SEPTIN7: variants seen among roughly 807,000 people sequenced by gnomAD.
The protein encoded by SEPTIN7 is septin 7, also known as septin-7.
In SEPTIN7, 10 loss-of-function variants were observed where a neutral mutation model predicts 63.3. That is an observed-to-expected ratio of 0.16 (90% CI 0.10 to 0.27). The LOEUF (loss-of-function observed/expected upper bound fraction) is 0.27, where lower values mean the gene tolerates loss of function less well. SEPTIN7 is among the 10% of genes least tolerant of loss of function. The pLI, the probability that SEPTIN7 is intolerant of heterozygous loss-of-function variation, is 1.00. For synonymous variants in SEPTIN7, 131 were observed against 165.3 expected (o/e 0.79, Z 1.59); for missense variants, 310 against 521.0 (o/e 0.59, Z 3.94).
At chr7:35,840,089 T>G (rs1784331793) in intron 3 of SEPTIN7, among the ~76,000 whole-genome samples, 1 of 151,964 alleles carries the variant, frequency 6.6e-6, no homozygotes, top group South Asian at 2.1e-4. Flanking sequence ...TCCTTTCTTT[T>G]CTTTCCCTTT....
intron 4 of SEPTIN7, among the ~76,000 whole-genome samples, chr7:35,864,715 A>T (rs1401162895): frequency 6.6e-6 from 1 of 152,198 alleles, no homozygotes; most frequent in Non-Finnish European, 1.5e-5. Context: ...GTTTGTCAGC[A>T]CTGCTCTAAA....
chr7:35,813,840 A>G (rs1001760120), intron 1 of SEPTIN7, among the ~76,000 whole-genome samples: 3 of 152,210 alleles, frequency 2.0e-5, no homozygotes, highest in African/African-American at 4.8e-5. Flanking sequence ...ATAGTGTATC[A>G]GTGCTTTTGA....
chr7:35,890,241 T>G (rs1373684718), intron 10 of SEPTIN7, among the ~76,000 whole-genome samples: 1 of 152,204 alleles, frequency 6.6e-6, no homozygotes, highest in African/African-American at 2.4e-5. Context: ...GATCTGAAAT[T>G]TATTATTATG....
chr7:35,903,045 G>C (rs1788416543), intron 12 of SEPTIN7, 31 bp from the exon 13 acceptor site: 1 of 1,523,716 alleles, frequency 6.6e-7, no homozygotes, highest in East Asian at 2.5e-5. Context: ...TTCTTAAATA[G>C]TTTTGTTTTA....
chr7:35,841,575 C>T (rs1451025870), intron 3 of SEPTIN7, among the ~76,000 whole-genome samples: 5 of 152,286 alleles, frequency 3.3e-5, no homozygotes, highest in Admixed American at 3.3e-4. Context: ...AAACTGTTCT[C>T]TTGGTATTGA....
intron 10 of SEPTIN7, chr7:35,888,680 C>T (rs1264287701): frequency 2.3e-5 from 4 of 176,922 alleles, no homozygotes; most frequent in South Asian, 2.0e-4. Flanking sequence ...AATAGTCGGG[C>T]GTGGTGGTGC....
intron 3 of SEPTIN7, among the ~76,000 whole-genome samples, chr7:35,847,619 T>C (rs1344950872): frequency 6.6e-6 from 1 of 152,282 alleles, no homozygotes; most frequent in East Asian, 1.9e-4. Context: ...AGTCTTCTTT[T>C]TGAAACTTTT....
intron 1 of SEPTIN7, among the ~76,000 whole-genome samples, chr7:35,827,221 T>C (rs1036936104): frequency 2.0e-5 from 3 of 152,262 alleles, no homozygotes; most frequent in Non-Finnish European, 4.4e-5. Flanking sequence ...AGGAATACTT[T>C]AAAGACCTAG....
At chr7:35,835,690 T>C (rs1784051680) in intron 3 of SEPTIN7, among the ~76,000 whole-genome samples, 1 of 152,180 alleles carries the variant, frequency 6.6e-6, no homozygotes. Flanking sequence ...CTAGAGAACT[T>C]AAATAGTACA....
chr7:35,831,986 T>A, intron 2 of SEPTIN7: 1 of 368,712 alleles, frequency 2.7e-6, no homozygotes, highest in Non-Finnish European at 5.3e-6. Context: ...CCAATGAGAC[T>A]CTGCTTATTC....
At chr7:35,816,867 G>A (rs1252269073) in intron 1 of SEPTIN7, among the ~76,000 whole-genome samples, 4 of 152,068 alleles carry the variant, frequency 2.6e-5, no homozygotes, top group Non-Finnish European at 4.4e-5. Flanking sequence ...ACCTTCTCTG[G>A]AGGAATGTCT....
At chr7:35,829,714 C>T (rs1221485442) in intron 1 of SEPTIN7, among the ~76,000 whole-genome samples, 3 of 152,140 alleles carry the variant, frequency 2.0e-5, no homozygotes, top group African/African-American at 4.8e-5. Context: ...GTTGATGGAG[C>T]TTACATTGCG....
chr7:35,808,474 C>G (rs1028221236), intron 1 of SEPTIN7, among the ~76,000 whole-genome samples: 1 of 152,134 alleles, frequency 6.6e-6, no homozygotes, highest in African/African-American at 2.4e-5. Context: ...ATATCTCAGT[C>G]TGTTTGTGCT....
chr7:35,803,773 T>C (rs1788154158), intron 1 of SEPTIN7, among the ~76,000 whole-genome samples: 2 of 152,336 alleles, frequency 1.3e-5, no homozygotes, highest in African/African-American at 4.8e-5. Flanking sequence ...AACTTTATTA[T>C]ACAATAGAAA....
intron 11 of SEPTIN7, among the ~76,000 whole-genome samples, chr7:35,896,000 G>A (rs1345443303): frequency 1.3e-5 from 2 of 152,070 alleles, no homozygotes; most frequent in South Asian, 4.1e-4. Context: ...TAGTAAAGAT[G>A]GAGTTTCACC....
chr7:35,830,983 A>G (rs1245399220), intron 1 of SEPTIN7, among the ~76,000 whole-genome samples: 1 of 152,206 alleles, frequency 6.6e-6, no homozygotes, highest in Non-Finnish European at 1.5e-5. Context: ...TAACCAAAAC[A>G]TTTGCATTTG....
chr7:35,886,029 T>C (rs1787223743), intron 10 of SEPTIN7, 150 bp downstream of exon 10: 3 of 605,582 alleles, frequency 5.0e-6, no homozygotes, highest in Non-Finnish European at 8.5e-6. Flanking sequence ...TAGATGATTC[T>C]TTCTCCAAGG....
chr7:35,851,642 GT>G (rs1219134949), intron 3 of SEPTIN7, among the ~76,000 whole-genome samples: 4 of 152,102 alleles, frequency 2.6e-5, no homozygotes, highest in South Asian at 4.1e-4. Flanking sequence ...TTTAAGTAGA[GT>G]TTGATTTGAT....
At chr7:35,879,994 T>G in intron 7 of SEPTIN7, 54 bp downstream of exon 7, 4 of 943,546 alleles carry the variant, frequency 4.2e-6, no homozygotes, top group Non-Finnish European at 6.7e-6. Flanking sequence ...AATTTGCAGT[T>G]TTTACTATTT....
Sources: gnomAD v4.1 joint callset for allele counts (sites outside exome capture counted in the v4.1 genomes callset) on GRCh38, gnomAD v4.1.1 for gene constraint, MANE v1.5 for transcripts, NCBI Gene and HGNC (gene_info 2026-07-23, HGNC 2026-07-21) for gene names.